Variants in LRFN2 observed in about 807,000 individuals in gnomAD.
The protein encoded by LRFN2 is leucine-rich repeat and fibronectin type-III domain-containing protein 2.
In LRFN2, 18 loss-of-function variants were observed where a neutral mutation model predicts 37.3. The observed-to-expected ratio is 0.48, with a 90% CI of 0.33 to 0.72. The LOEUF is 0.72. Among genes scored for constraint, LRFN2 ranks in the 30% least tolerant of loss-of-function variants. The pLI is 0.02. For synonymous variants in LRFN2, 556 were observed against 466.6 expected (o/e 1.19, Z -2.47); for missense variants, 1,006 against 1,060.7 (o/e 0.95, Z 0.72).
chr6:40,557,366 C>G (rs1338234063), intron 1 of LRFN2, among the ~76,000 whole-genome samples: 2 of 152,164 alleles, frequency 1.3e-5, no homozygotes, highest in Admixed American at 1.3e-4. Context: ...TATGGGGGTT[C>G]AGAGATGGGG....
intron 1 of LRFN2, among the ~76,000 whole-genome samples, chr6:40,441,104 G>A (rs1763824783): frequency 6.6e-6 from 1 of 152,224 alleles, no homozygotes. Flanking sequence ...TTCAGAGGAA[G>A]GAGACCTCAG....
chr6:40,437,054 T>C (rs1763697443), intron 1 of LRFN2, among the ~76,000 whole-genome samples: 1 of 152,090 alleles, frequency 6.6e-6, no homozygotes, highest in Non-Finnish European at 1.5e-5. Flanking sequence ...AGAAAGGCCA[T>C]CTCTCTTATG....
chr6:40,457,630 C>T (rs1161778218), intron 1 of LRFN2, among the ~76,000 whole-genome samples: 6 of 114,668 alleles, frequency 5.2e-5, no homozygotes, highest in African/African-American at 1.5e-4. Context: ...CAAAGAAAGA[C>T]CCTGTTTAAA....
intron 2 of LRFN2, among the ~76,000 whole-genome samples, chr6:40,420,659 G>C (rs1039381124): frequency 5.9e-5 from 9 of 152,212 alleles, no homozygotes; most frequent in Non-Finnish European, 1.3e-4. Context: ...TTATCTAATG[G>C]GGAGCAACAT....
At chr6:40,559,352 C>G (rs1766950961) in intron 1 of LRFN2, among the ~76,000 whole-genome samples, 1 of 152,154 alleles carries the variant, frequency 6.6e-6, no homozygotes, top group Non-Finnish European at 1.5e-5. Context: ...TGAGACATTA[C>G]TTTGAATTTA....
At chr6:40,549,356 G>A (rs1766722953) in intron 1 of LRFN2, among the ~76,000 whole-genome samples, 1 of 152,198 alleles carries the variant, frequency 6.6e-6, no homozygotes, top group Non-Finnish European at 1.5e-5. Flanking sequence ...GACAAGGAGG[G>A]TGGTTAAACT....
At chr6:40,547,243 T>C (rs561189157) in intron 1 of LRFN2, among the ~76,000 whole-genome samples, 1 of 152,172 alleles carries the variant, frequency 6.6e-6, no homozygotes, top group East Asian at 1.9e-4. Flanking sequence ...TAGCTGGGAC[T>C]ACAGGTGCAT....
intron 2 of LRFN2, among the ~76,000 whole-genome samples, chr6:40,425,875 T>G (rs1196444553): frequency 6.6e-6 from 1 of 152,218 alleles, no homozygotes; most frequent in Admixed American, 6.5e-5. Flanking sequence ...TCAAATCTGG[T>G]CTGAGTTATC....
At chr6:40,404,729 T>C (rs1762808059) in intron 2 of LRFN2, among the ~76,000 whole-genome samples, 1 of 152,178 alleles carries the variant, frequency 6.6e-6, no homozygotes, top group African/African-American at 2.4e-5. Context: ...CCAGTCCAGG[T>C]GATGTTGTCC....
chr6:40,544,239 C>T (rs7767999), intron 1 of LRFN2, among the ~76,000 whole-genome samples: 68,757 of 152,112 alleles, frequency 0.45, 16,577 homozygotes, highest in African/African-American at 0.62. Context: ...TCCTGACCCA[C>T]GGAAGTCCGC....
Position 40,392,603 on chromosome 6 carries a change from C to G in LRFN2, c.1710G>C (p.Ala570=). The G allele has an allele frequency of 6.2e-7, 1 of 1,609,520 alleles. No individual in the cohort carries two copies. Among genetic ancestry groups the G allele is most frequent in the Non-Finnish European group, 8.5e-7 (1 of 1,179,914 alleles). ...CNHEAPSKMA[A]AVSNVYSQTN... is the part of the protein sequence containing the mutation. ...TCTGCGAGTACACATTGCTCACGGC[C>G]GCTGCCATCTTGCTGGGGGCCTCGT... The change falls in exon 3 of 3, where the codon GCG becomes GCC. Residue 570 remains alanine (A), a synonymous_variant. Coordinates refer to ENST00000338305, the MANE Select transcript of LRFN2 (RefSeq NM_020737.3). The surrounding 1 kb of genome is among the most constrained non-coding windows in gnomAD (Gnocchi z 4.7).
chr6:40,489,380 T>A (rs1765035585), intron 1 of LRFN2, among the ~76,000 whole-genome samples: 2 of 152,154 alleles, frequency 1.3e-5, no homozygotes, highest in African/African-American at 4.8e-5. Flanking sequence ...AGGACCCAAG[T>A]GGGGCAGTGC....
chr6:40,558,063 C>G (rs540594357), intron 1 of LRFN2, among the ~76,000 whole-genome samples: 82 of 152,266 alleles, frequency 5.4e-4, no homozygotes, highest in African/African-American at 1.9e-3. Context: ...CTCTGTGGGC[C>G]TCCTGACTCC....
chr6:40,560,893 A>G (rs1265733830), intron 1 of LRFN2, among the ~76,000 whole-genome samples: 1 of 152,178 alleles, frequency 6.6e-6, no homozygotes, highest in Non-Finnish European at 1.5e-5. Context: ...GTCCTAACAG[A>G]TTATCTAGAT....
chr6:40,403,716 C>T (rs1762789433), intron 2 of LRFN2, among the ~76,000 whole-genome samples: 1 of 152,148 alleles, frequency 6.6e-6, no homozygotes, highest in African/African-American at 2.4e-5. Flanking sequence ...TCTGGGTGTC[C>T]TTCCTTGCTC....
intron 1 of LRFN2, among the ~76,000 whole-genome samples, chr6:40,523,348 C>T (rs926764913): frequency 3.9e-5 from 6 of 152,026 alleles, no homozygotes; most frequent in African/African-American, 7.2e-5. Context: ...GTGGGTTTCA[C>T]GCAAAATGGG....
intron 1 of LRFN2, among the ~76,000 whole-genome samples, chr6:40,444,377 T>G (rs1485580131): frequency 1.3e-5 from 2 of 152,142 alleles, no homozygotes; most frequent in African/African-American, 4.8e-5. Context: ...TGAATTCAAT[T>G]TGGTTTTGCC....
chr6:40,549,479 T>C (rs1000427314), intron 1 of LRFN2, among the ~76,000 whole-genome samples: 1 of 152,150 alleles, frequency 6.6e-6, no homozygotes, highest in African/African-American at 2.4e-5. Flanking sequence ...CAACAAAAAG[T>C]AAGGTCCTAC....
intron 1 of LRFN2, among the ~76,000 whole-genome samples, chr6:40,459,842 T>G (rs987065): frequency 0.085 from 12,982 of 152,248 alleles, 618 homozygotes; most frequent in Admixed American, 0.14. Flanking sequence ...CCTCATACAT[T>G]ATTTCGCCTA....
Sources: gnomAD v4.1 joint callset for allele counts (sites outside exome capture counted in the v4.1 genomes callset) on GRCh38, gnomAD v4.1.1 for gene constraint, Gnocchi (gnomAD v3.1) non-coding constraint, MANE v1.5 for transcripts, NCBI Gene and HGNC (gene_info 2026-07-23, HGNC 2026-07-21) for gene names.